The following SLC28A1 variants were observed in gnomAD, a reference collection of about 807,000 sequenced individuals.
The protein encoded by SLC28A1 is sodium/nucleoside cotransporter 1.
A neutral mutation model predicts 74.8 loss-of-function variants in SLC28A1; 64 were observed. That is an observed-to-expected ratio of 0.86 (90% CI 0.70 to 1.05). The LOEUF (loss-of-function observed/expected upper bound fraction) is 1.05. Ranked by LOEUF, SLC28A1 falls within the 50% of genes least tolerant of loss-of-function variation. The pLI is 0.00. For synonymous variants in SLC28A1, 359 were observed against 335.0 expected (o/e 1.07, Z -0.78); for missense variants, 828 against 822.8 (o/e 1.01, Z -0.08).
intron 6 of SLC28A1, among the ~76,000 whole-genome samples, chr15:84,900,013 CA>C (rs1318965237): frequency 1.4e-5 from 2 of 145,318 alleles, no homozygotes; most frequent in Non-Finnish European, 3.0e-5. Flanking sequence ...GGCAGGCAGG[CA>C]GGCAGGCAAG....
intron 12 of SLC28A1, among the ~76,000 whole-genome samples, chr15:84,927,915 G>A (rs201206899): frequency 0.17 from 1 of 6 alleles, no homozygotes; most frequent in East Asian, 0.5. Flanking sequence ...TATTGGGGGA[G>A]GGGGATGCCA....
At chr15:84,908,608 T>TG in intron 8 of SLC28A1, 110 bp from the exon 9 acceptor site, 1 of 850,456 alleles carries the variant, frequency 1.2e-6, no homozygotes, top group Non-Finnish European at 2.0e-6. Flanking sequence ...GATAAGGGCC[T>TG]GGGGGGACTA....
chr15:84,959,099 CAAAAAA>C, the SLC28A1 span, among the ~76,000 whole-genome samples: 1 of 47,078 alleles, frequency 2.1e-5, no homozygotes, highest in Admixed American at 2.5e-4. Context: ...GGCTTCATCT[CAAAAAA>C]AAAAAAAAAA....
At chr15:84,895,475 G>C (rs1478295390) in intron 6 of SLC28A1, 7 of 1,610,928 alleles carry the variant, frequency 4.3e-6, no homozygotes, top group South Asian at 1.1e-5. Flanking sequence ...ATCCCTGGAG[G>C]GGGATTCAGC....
chr15:84,939,758 A>G (rs28430562), intron 15 of SLC28A1: 48,262 of 152,062 alleles, frequency 0.32, 8,932 homozygotes, highest in East Asian at 0.83. Flanking sequence ...AAAAAATTGT[A>G]TTTACTTAGA....
chr15:84,926,086 TTA>T (rs1383313464), intron 12 of SLC28A1, among the ~76,000 whole-genome samples: 1 of 148,116 alleles, frequency 6.8e-6, no homozygotes, highest in African/African-American at 2.4e-5. Flanking sequence ...TTTTATTATT[TTA>T]TCATATATCA....
rs745957814 is a variant in SLC28A1, at chr15:84,935,203, CT to C, written c.1383+10del. ...AAGGGCTCAGCTTCCAGGTGCGTTT[CT>C]GGCCACCACACTCAGTCTGTAGAGA... On this transcript the variant is annotated intron_variant, in intron 14 of 18. Coordinates refer to ENST00000394573, the MANE Select transcript of SLC28A1 (RefSeq NM_004213.5). The C allele has an allele frequency of 1.9e-6, 3 of 1,614,042 alleles. No individual in the cohort carries two copies. The highest frequency in any genetic ancestry group is 2.5e-6 in the Non-Finnish European group (3 of 1,179,920).
chr15:84,891,986 A>G (rs996130761), intron 5 of SLC28A1, among the ~76,000 whole-genome samples: 1 of 151,988 alleles, frequency 6.6e-6, no homozygotes, highest in African/African-American at 2.4e-5. Context: ...TCCCCACCCC[A>G]CCGGGAGGGG....
At chr15:84,959,504 G>A in the SLC28A1 span, among the ~76,000 whole-genome samples, 1 of 150,834 alleles carries the variant, frequency 6.6e-6, no homozygotes, top group South Asian at 2.1e-4. Context: ...TAGACCCTCC[G>A]AATTTATCTT....
In SLC28A1 at chr15:84,944,773, AG is replaced by A. The variant is rs1567193952; in HGVS notation, c.1786del (p.Ala596LeufsTer9). The A allele has an allele frequency of 3.7e-6, 6 of 1,613,290 alleles. No homozygotes were observed. In the African/African-American group the frequency reaches 8.0e-5, roughly 22 times the overall value. On this transcript the variant is annotated frameshift_variant, in exon 18 of 19. Coordinates refer to ENST00000394573, the MANE Select transcript of SLC28A1 (RefSeq NM_004213.5). LOFTEE classifies it high-confidence loss of function. Reference protein sequence around the residue: ...ACMAGILYMPRGAEVDCMSLL... With the variant: ...ACMAGILYMPXGAEVDCMSLL... ...CTCTACAGGGATCCTCTACATGCCC[AG>A]GGGGGCTGAAGTTGACTGCATGTCC...
downstream of SLC28A1, among the ~76,000 whole-genome samples, chr15:84,946,602 G>A (rs1250387779): frequency 6.6e-6 from 1 of 152,100 alleles, no homozygotes; most frequent in Non-Finnish European, 1.5e-5. Context: ...CCCATCTGAG[G>A]GGAGCCCCTC....
At chr15:84,911,181 C>T (rs1331007677) in intron 9 of SLC28A1, among the ~76,000 whole-genome samples, 2 of 151,764 alleles carry the variant, frequency 1.3e-5, no homozygotes, top group African/African-American at 4.8e-5. Context: ...CTGGGCTTGC[C>T]TCTGTGTCTG....
At chr15:84,926,658 G>C (rs548777893) in intron 12 of SLC28A1, 1 of 397,100 alleles carries the variant, frequency 2.5e-6, no homozygotes, top group Non-Finnish European at 5.0e-6. Context: ...TCATAAGCTG[G>C]GTAAGTTGCC....
intron 9 of SLC28A1, among the ~76,000 whole-genome samples, chr15:84,918,007 C>T (rs958157589): frequency 9.2e-5 from 14 of 152,050 alleles, no homozygotes; most frequent in African/African-American, 2.9e-4. Flanking sequence ...CCGGGATAAG[C>T]CTAATTCTGA....
chr15:84,970,312 A>T, the SLC28A1 span, among the ~76,000 whole-genome samples: 1 of 152,120 alleles, frequency 6.6e-6, no homozygotes, highest in East Asian at 1.9e-4. Context: ...ATCCTCCAAG[A>T]CCACCCCATA....
rs1970894507 is a variant in SLC28A1, at chr15:84,928,615, CTTTTCTTTCTTTCTTT to C, written c.1083+4506_1084-4514del. 8.4e-4 allele frequency among the ~76,000 whole-genome samples: 4 copies of C among 4,752 alleles called. 1 individual carries two copies. Among genetic ancestry groups the C allele is most frequent in the Non-Finnish European group, 3.5e-4 (1 of 2,848 alleles). The allele number at this position is 4,752 out of a possible 152,430, so 3.1% of individuals were successfully genotyped here. ...CTTTCTTTCTTTCTTTTCTTTCTTTCTTTTCTTTCTTTCTTTCTTTTTTTTTGAGACAGAGTCTCCC... is the reference window on the plus strand; with the variant it reads ...CTTTCTTTCTTTCTTTTCTTTCTTTCCTTTTTTTTTGAGACAGAGTCTCCC... On this transcript the variant is annotated intron_variant, in intron 12 of 18. Transcript: ENST00000394573.
chr15:84,965,814 G>C, the SLC28A1 span, among the ~76,000 whole-genome samples: 2 of 151,086 alleles, frequency 1.3e-5, no homozygotes, highest in Non-Finnish European at 2.9e-5. Flanking sequence ...TAGAATGTAA[G>C]TGTGATAGAG....
downstream of SLC28A1, among the ~76,000 whole-genome samples, chr15:84,950,736 C>T (rs184211024): frequency 6.6e-6 from 1 of 152,126 alleles, no homozygotes; most frequent in East Asian, 1.9e-4. Context: ...CATTTCTCAA[C>T]CTTCCTGGGT....
the SLC28A1 span, among the ~76,000 whole-genome samples, chr15:84,955,629 C>T: frequency 6.6e-6 from 1 of 152,202 alleles, no homozygotes; most frequent in Non-Finnish European, 1.5e-5. Flanking sequence ...AGCTGGGATC[C>T]CTGGCTGCGA....
Sources: allele counts gnomAD v4.1 joint callset (sites outside exome capture counted in the v4.1 genomes callset), GRCh38; gene constraint gnomAD v4.1.1; transcripts MANE v1.5; gene names NCBI Gene and HGNC (gene_info 2026-07-23, HGNC 2026-07-21).